The following MGAM variants were observed in gnomAD, a reference collection of about 807,000 sequenced individuals.
MGAM encodes alpha-1,4-glucosidase.
Under a neutral mutation model 358.8 loss-of-function variants are expected in MGAM, and 253 were observed. The ratio of observed to expected loss-of-function variants is 0.71; its 90% CI spans 0.64 to 0.78. The LOEUF (loss-of-function observed/expected upper bound fraction) is 0.78, where lower values mean the gene tolerates loss of function less well. Ranked by LOEUF, MGAM falls within the 30% of genes least tolerant of loss-of-function variation. The pLI is 0.00. For synonymous variants in MGAM, 1,105 were observed against 1,227.1 expected, an observed-to-expected ratio of 0.90 and a Z score of 2.08; for missense variants, 3,080 against 3,432.6, an observed-to-expected ratio of 0.90 and a Z score of 2.57.
intron 1 of MGAM, among the ~76,000 whole-genome samples, chr7:142,003,995 T>C (rs1455375174): frequency 1.3e-5 from 2 of 151,992 alleles, no homozygotes; most frequent in Non-Finnish European, 2.9e-5. Flanking sequence ...AATGAGATGA[T>C]ATCTTACACT....
rs374033135 is a variant in MGAM, at chr7:142,054,924, T to G, written c.3314+16T>G. ...GCACTATAATGTGAGTGGCTTCTAG[T>G]GTGACTCAGAGTTGATGGCTACCTG... On this transcript the variant is annotated intron_variant, in intron 27 of 70. Coordinates refer to ENST00000475668, the MANE Select transcript of MGAM (RefSeq NM_001365693.1). The G allele has an allele frequency of 3.1e-6, 5 of 1,612,814 alleles. No homozygotes were observed. The highest frequency in any genetic ancestry group is 4.2e-6 in the Non-Finnish European group (5 of 1,179,154).
intron 47 of MGAM, among the ~76,000 whole-genome samples, chr7:142,077,217 C>T (rs12534166): frequency 0.078 from 11,264 of 143,680 alleles, 1,623 homozygotes; most frequent in East Asian, 0.17. Context: ...AAAAGGCCAG[C>T]TTGGATAGGA....
chr7:142,064,478 C>G lies in MGAM; in HGVS notation c.4440C>G (p.Asn1480Lys). Residue 1480 changes from asparagine (N) to lysine (K), a missense_variant, in exon 37 of 71, where the codon AAC (asparagine) becomes AAG (lysine). Coordinates refer to ENST00000475668, the MANE Select transcript of MGAM (RefSeq NM_001365693.1). ...LPDGSLVQHY[N>K]VHNLYGWSQT... ...ACGGCTCCCTGGTGCAGCACTACAA[C>G]GTGCACAACCTGTATGGGTGGTCCC... 1 of 1,585,806 alleles carries G rather than the reference C, an allele frequency of 6.3e-7. No individual in the cohort carries two copies. Among genetic ancestry groups the G allele is most frequent in the Non-Finnish European group, 8.6e-7 (1 of 1,165,986 alleles).
intron 1 of MGAM, chr7:142,004,325 G>A (rs1483837321): frequency 2.0e-5 from 3 of 151,996 alleles, no homozygotes; most frequent in Non-Finnish European, 2.9e-5. Flanking sequence ...GATTAAAAAT[G>A]TAGTGTACCT....
upstream of MGAM, among the ~76,000 whole-genome samples, chr7:141,991,913 A>G (rs896296606): frequency 3.9e-5 from 6 of 152,158 alleles, no homozygotes; most frequent in African/African-American, 1.4e-4. Context: ...ATGTTTTTAA[A>G]TCCAGGGACT....
rs6972387 is a variant in MGAM, at chr7:142,025,038, C to A, written c.883-12C>A. 45,797 of 1,608,628 alleles carry A rather than the reference C, an allele frequency of 0.028. 3,627 individuals are homozygous for A. Among genetic ancestry groups the A allele is most frequent in the African/African-American group, 0.28 (20,690 of 74,716 alleles). On this transcript the variant is annotated splice_polypyrimidine_tract_variant and intron_variant, in intron 7 of 70. Coordinates refer to ENST00000475668, the MANE Select transcript of MGAM (RefSeq NM_001365693.1). The stretch of plus-strand genomic sequence containing the variant: ...TAGTTGTAAATTTTGGTTTTTAATT[C>A]TCTTTCTGCAGAACGGAACTAATTT...
At position 142,024,930 on chromosome 7, in the gene MGAM, A is replaced by T. The variant is rs1806808322; in HGVS notation, c.883-120A>T. The T allele has an allele frequency of 1.8e-5, 12 of 656,284 alleles. No homozygotes were observed. The South Asian group carries it at 2.3e-4, about 13-fold the overall frequency. 40.7% of individuals were successfully genotyped at this position (656,284 alleles called of 1,614,324 possible). ...CCCCATCTTTTAAAAATGTGTCTTT[A>T]TGACCCTGAATGTCCTGTCAATTAG... On this transcript the variant is annotated intron_variant, in intron 7 of 70. Coordinates refer to ENST00000475668, the MANE Select transcript of MGAM (RefSeq NM_001365693.1).
At chr7:142,096,067 T>G in intron 64 of MGAM, 1 of 595,748 alleles carries the variant, frequency 1.7e-6, no homozygotes, top group South Asian at 2.1e-5. Context: ...CATCCTTGCA[T>G]TTGAAGTTTG....
Position 142,091,966 on chromosome 7 carries a change from G to A in MGAM, c.6864G>A (p.Lys2288=). The A allele has an allele frequency of 6.5e-7, 1 of 1,538,128 alleles. No homozygotes were observed. The highest frequency in any genetic ancestry group is 8.9e-7 in the Non-Finnish European group (1 of 1,120,382). ...FPDFFRNSTA[K]WWKREIEELY... ...ACTTTTTCCGTAATTCAACTGCCAA[G>A]TGGTGGAAGAGGGAAATAGAAGAAC... The change falls in exon 58 of 71, where the codon AAG becomes AAA. Residue 2288 remains lysine, a synonymous_variant. Transcript: ENST00000475668.
At chr7:142,032,658 C>G (rs919641980) in intron 13 of MGAM, among the ~76,000 whole-genome samples, 167 bp from the exon 14 acceptor site, 20 of 152,048 alleles carry the variant, frequency 1.3e-4, no homozygotes, top group Non-Finnish European at 2.1e-4. Context: ...CTTCATGAAG[C>G]CTTCAGTGGG....
At chr7:142,046,055 A>T (rs1367286191) in intron 21 of MGAM, among the ~76,000 whole-genome samples, 1 of 141,046 alleles carries the variant, frequency 7.1e-6, no homozygotes, top group African/African-American at 2.6e-5. Flanking sequence ...TACATACAAT[A>T]TGTAATATAA....
intron 34 of MGAM, 129 bp from the exon 35 acceptor site, chr7:142,062,439 T>A (rs1812304288): frequency 8.3e-7 from 1 of 1,212,076 alleles, no homozygotes; most frequent in African/African-American, 1.5e-5. Flanking sequence ...AATAACATTA[T>A]TTAGGCCCTG....
At chr7:142,061,708 A>G (rs1812222212) in intron 34 of MGAM, among the ~76,000 whole-genome samples, 1 of 152,180 alleles carries the variant, frequency 6.6e-6, no homozygotes, top group Non-Finnish European at 1.5e-5. Context: ...TTACTGAGAC[A>G]AACAAAGGAC....
At chr7:142,008,889 AG>A (rs1340006615) in intron 3 of MGAM, among the ~76,000 whole-genome samples, 184 bp downstream of exon 3, 1 of 152,168 alleles carries the variant, frequency 6.6e-6, no homozygotes, top group Non-Finnish European at 1.5e-5. Context: ...GCTTCAGGAA[AG>A]GAAGACCTGG....
intron 53 of MGAM, among the ~76,000 whole-genome samples, chr7:142,084,310 G>GCTT (rs1248414687): frequency 6.9e-6 from 1 of 145,874 alleles, no homozygotes; most frequent in African/African-American, 2.4e-5. Context: ...AGTGAAATCA[G>GCTT]CTTTTCCATA....
At chr7:142,092,441 A>G in intron 58 of MGAM, 80 bp from the exon 59 acceptor site, 1 of 1,319,336 alleles carries the variant, frequency 7.6e-7, no homozygotes, top group African/African-American at 1.4e-5. Context: ...TGAACAATGT[A>G]TTCACTGCTT....
rs781258405 is a variant in MGAM, at chr7:142,083,265, G to A, written c.6269-36G>A. The A allele has an allele frequency of 8.9e-6, 13 of 1,460,922 alleles. 1 individual carries two copies. The highest frequency in any genetic ancestry group is 1.4e-5 in the African/African-American group (1 of 73,888). 90.5% of individuals were successfully genotyped at this position (1,460,922 alleles called of 1,614,324 possible). ...TCAGGGGTGATTCATGACGTGGAAA[G>A]TTTCCAGCTTGATTAGCATTTTTCT... On this transcript the variant is annotated intron_variant, in intron 52 of 70. Transcript: ENST00000475668.
chr7:142,022,506 A>G, intron 7 of MGAM, 67 bp downstream of exon 7: 1 of 1,507,038 alleles, frequency 6.6e-7, no homozygotes, highest in Non-Finnish European at 9.0e-7. Context: ...CACCTCTAGT[A>G]TTACAGTGTA....
At position 142,027,667 on chromosome 7, in the gene MGAM, T is replaced by TA. The variant is rs1807098824; in HGVS notation, c.1154dup (p.Tyr385Ter). 1 of 1,613,758 alleles carries TA rather than the reference T, an allele frequency of 6.2e-7. No individual in the cohort carries two copies. The highest frequency in any genetic ancestry group is 8.5e-7 in the Non-Finnish European group (1 of 1,179,748). Residue 385 changes from tyrosine to a stop codon, truncating the protein, a stop_gained and frameshift_variant, in exon 10 of 71, where the codon TAC (tyrosine) becomes TAAC (stop). Coordinates refer to ENST00000475668, the MANE Select transcript of MGAM (RefSeq NM_001365693.1). LOFTEE classifies it high-confidence loss of function. ...GGCGCTTGGATTTCACCTCAGTCGT[T>TA]ACGAATATGGAACCTTAGACAACAT... ...YWALGFHLSR[Y>*]EYGTLDNMRE...
Sources: gnomAD v4.1 joint callset for allele counts (sites outside exome capture counted in the v4.1 genomes callset) on GRCh38, gnomAD v4.1.1 for gene constraint, MANE v1.5 for transcripts, NCBI Gene and HGNC (gene_info 2026-07-23, HGNC 2026-07-21) for gene names.